Variants in ABCC6 observed in about 807,000 individuals in gnomAD.
ABCC6 encodes the protein ATP binding cassette subfamily C member 6.
Under a neutral mutation model 169.5 loss-of-function variants are expected in ABCC6, and 126 were observed. The ratio of observed to expected loss-of-function variants is 0.74; its 90% confidence interval spans 0.64 to 0.86. ABCC6 has a LOEUF of 0.86. Ranked by LOEUF, ABCC6 falls within the 40% of genes least tolerant of loss-of-function variation. ABCC6 has a pLI of 0.00. For synonymous variants in ABCC6, 752 were observed against 814.7 expected (o/e 0.92, Z 1.31); for missense variants, 1,733 against 1,927.2 (o/e 0.90, Z 1.89).
In ABCC6 at chr16:16,159,382, G is replaced by A. The variant is rs573249645; in HGVS notation, c.3735+100C>T. On this transcript the variant is annotated intron_variant, in intron 26 of 30. Transcript: ENST00000205557. Reference sequence around the variant, plus strand: ...GGGGGTTGAGTGAGGGGAGAAGAGGGTATAAACTCCAAAGCCTGTAGCAGA... The same window carrying A: ...GGGGGTTGAGTGAGGGGAGAAGAGGATATAAACTCCAAAGCCTGTAGCAGA... The A allele has an allele frequency of 1.3e-4, 141 of 1,112,264 alleles. 1 individual carries two copies. In the South Asian group the frequency reaches 1.8e-3, roughly 14 times the overall value. 68.9% of individuals were successfully genotyped at this position (1,112,264 alleles called of 1,614,324 possible).
intron 18 of ABCC6, among the ~76,000 whole-genome samples, chr16:16,178,459 T>G (rs1293944946): frequency 2.6e-5 from 4 of 152,114 alleles, no homozygotes; most frequent in African/African-American, 9.7e-5. Context: ...GCCGCCTTTC[T>G]TGTAAACAGC....
At chr16:16,179,589 G>A (rs2047403323) in intron 17 of ABCC6, among the ~76,000 whole-genome samples, 1 of 151,958 alleles carries the variant, frequency 6.6e-6, no homozygotes, top group South Asian at 2.1e-4. Context: ...TATTACTGCT[G>A]TTGTCGTTGT....
chr16:16,173,085 T>C (rs1357736298), intron 21 of ABCC6, 199 bp downstream of exon 21: 1 of 666,276 alleles, frequency 1.5e-6, no homozygotes, highest in Middle Eastern at 4.2e-4. Context: ...AGTTTCTTTA[T>C]GTCTGAAATA....
chr16:16,181,457 G>A (rs2047470595), intron 17 of ABCC6, among the ~76,000 whole-genome samples: 1 of 152,154 alleles, frequency 6.6e-6, no homozygotes. Flanking sequence ...GCCTCTCTGT[G>A]AAGGTGATAG....
At chr16:16,206,091 G>T (rs1170369154) in intron 7 of ABCC6, among the ~76,000 whole-genome samples, 1 of 152,198 alleles carries the variant, frequency 6.6e-6, no homozygotes, top group Admixed American at 6.5e-5. Flanking sequence ...CTGAGGTTCT[G>T]CTCAGTTCTA....
intron 7 of ABCC6, among the ~76,000 whole-genome samples, chr16:16,204,495 C>G (rs1306184265): frequency 6.6e-6 from 1 of 152,230 alleles, no homozygotes; most frequent in African/African-American, 2.4e-5. Flanking sequence ...GCCTGGTGCT[C>G]TAGCTCTGGG....
At chr16:16,159,943 C>A (rs1018633023) in intron 25 of ABCC6, among the ~76,000 whole-genome samples, 1 of 152,112 alleles carries the variant, frequency 6.6e-6, no homozygotes, top group Non-Finnish European at 1.5e-5. Flanking sequence ...TTTCTCGCAG[C>A]GACTGGGTGG....
At chr16:16,199,448 G>A (rs2048164768) in intron 9 of ABCC6, among the ~76,000 whole-genome samples, 1 of 127,512 alleles carries the variant, frequency 7.8e-6, no homozygotes, top group Non-Finnish European at 1.8e-5. Flanking sequence ...TGACAAGGGT[G>A]AGACCTTTCA....
At position 16,216,298 on chromosome 16, in the gene ABCC6, ATTCT is replaced by A. The variant is rs1276120798; in HGVS notation, c.475-1853_475-1850del. ...CCTGTTGTGCTATCAAATAGATATT[ATTCT>A]TTCTGTTTTTTTGTACCCATTAACC... is the stretch of plus-strand genomic sequence containing the variant. On this transcript the variant is annotated intron_variant, in intron 4 of 30. Transcript: ENST00000205557. Among the ~76,000 whole-genome samples the A allele has an allele frequency of 4.0e-5, 6 of 151,876 alleles. No individual in the cohort carries two copies. In the East Asian group the frequency reaches 1.2e-3, roughly 29 times the overall value.
intron 18 of ABCC6, among the ~76,000 whole-genome samples, chr16:16,177,992 A>G (rs1441112669): frequency 6.6e-6 from 1 of 150,652 alleles, no homozygotes; most frequent in Non-Finnish European, 1.5e-5. Flanking sequence ...GAAAAGAAAC[A>G]AAGGAAGGAA....
chr16:16,196,370 A>G (rs893742431), intron 10 of ABCC6, among the ~76,000 whole-genome samples: 1 of 152,198 alleles, frequency 6.6e-6, no homozygotes, highest in African/African-American at 2.4e-5. Context: ...GCAGAGATGA[A>G]TATTTGCAGG....
intron 22 of ABCC6, among the ~76,000 whole-genome samples, chr16:16,167,311 G>A (rs942711644): frequency 3.0e-4 from 46 of 152,140 alleles, no homozygotes; most frequent in African/African-American, 1.1e-3. Flanking sequence ...TACTGCCAGG[G>A]GGAGCAGCTA....
intron 27 of ABCC6, among the ~76,000 whole-genome samples, chr16:16,156,118 G>C (rs1302691514): frequency 6.6e-6 from 1 of 152,138 alleles, no homozygotes; most frequent in African/African-American, 2.4e-5. Context: ...ATTTCACCAT[G>C]TTGGCCAGGC....
chr16:16,153,570 TGTA>T (rs1567463783), intron 29 of ABCC6, among the ~76,000 whole-genome samples: 1 of 152,022 alleles, frequency 6.6e-6, no homozygotes, highest in Admixed American at 6.6e-5. Flanking sequence ...GGTACAGAGT[TGTA>T]GTTCTGTTGT....
In ABCC6 at chr16:16,182,905, A is replaced by G. The variant is rs2047525069; in HGVS notation, c.1969T>C (p.Cys657Arg). The G allele has an allele frequency of 1.2e-6, 2 of 1,613,904 alleles. No homozygotes were observed. The highest frequency in any genetic ancestry group is 2.7e-5 in the African/African-American group (2 of 74,866). ...HRINLTVPQG[C>R]LLAVVGPVGA... ...ACTGGACCGACAACAGCCAGCAGACAGCCCTGGGGCACCGTGAGGTTTATT... is the reference window on the plus strand; with the variant it reads ...ACTGGACCGACAACAGCCAGCAGACGGCCCTGGGGCACCGTGAGGTTTATT... Residue 657 changes from cysteine to arginine, a missense_variant, in exon 16 of 31, where the codon TGT becomes CGT. This residue lies in a region of ABCC6 where 1,601 missense variants were observed against 1,635.5 expected (regional missense o/e 0.98). Coordinates refer to ENST00000205557, the MANE Select transcript of ABCC6 (RefSeq NM_001171.6).
intron 17 of ABCC6, among the ~76,000 whole-genome samples, chr16:16,180,126 G>A (rs1392079270): frequency 1.3e-5 from 2 of 152,142 alleles, no homozygotes; most frequent in Non-Finnish European, 1.5e-5. Context: ...GTGGAGCTCA[G>A]GCGGTGATGG....
At chr16:16,180,958 A>G (rs559861729) in intron 17 of ABCC6, among the ~76,000 whole-genome samples, 1 of 152,280 alleles carries the variant, frequency 6.6e-6, no homozygotes, top group South Asian at 2.1e-4. Context: ...CAATCCATAA[A>G]CAAGTAAGGC....
chr16:16,182,560 G>T lies in ABCC6; in HGVS notation c.2099C>A (p.Ala700Asp). 1 of 1,613,078 alleles carries T rather than the reference G, an allele frequency of 6.2e-7. No individual in the cohort carries two copies. Among genetic ancestry groups the T allele is most frequent in the Non-Finnish European group, 8.5e-7 (1 of 1,179,146 alleles). ...TACCACAGAGGTGTTCTGCACCCAG[G>T]CCTCCTGGGGCACGTAGGCCACAGC... Reference protein sequence around the residue: ...EGAVAYVPQEAWVQNTSVVEN... With the variant: ...EGAVAYVPQEDWVQNTSVVEN... The change falls in exon 17 of 31, where the codon GCC becomes GAC. Residue 700 changes from alanine to aspartate, a missense_variant. Ala to Asp is a moderately radical substitution (Grantham distance 126). This residue lies in a region of ABCC6 where 1,601 missense variants were observed against 1,635.5 expected (regional missense o/e 0.98). Coordinates refer to ENST00000205557, the MANE Select transcript of ABCC6 (RefSeq NM_001171.6).
At chr16:16,165,307 G>C (rs914697173) in intron 23 of ABCC6, among the ~76,000 whole-genome samples, 1 of 152,218 alleles carries the variant, frequency 6.6e-6, no homozygotes, top group Non-Finnish European at 1.5e-5. Context: ...CCAGCTACTT[G>C]AGAGGCTGAG....
Sources: gnomAD v4.1 joint callset for allele counts (sites outside exome capture counted in the v4.1 genomes callset) on GRCh38, gnomAD v4.1.1 for gene constraint, gnomAD v4.1.1 regional missense constraint, MANE v1.5 for transcripts, NCBI Gene and HGNC (gene_info 2026-07-23, HGNC 2026-07-21) for gene names.